The following NT5DC3 variants were observed in gnomAD, a reference collection of about 807,000 sequenced individuals.
The protein encoded by NT5DC3 is 5'-nucleotidase domain containing 3, also known as 5'-nucleotidase domain-containing protein 3.
A neutral mutation model predicts 67.8 loss-of-function variants in NT5DC3; 42 were observed. The observed-to-expected ratio is 0.62, with a 90% confidence interval of 0.48 to 0.80. The LOEUF (loss-of-function observed/expected upper bound fraction) is 0.80. Ranked by LOEUF, NT5DC3 falls within the 30% of genes least tolerant of loss-of-function variation. The pLI, the probability that NT5DC3 is intolerant of heterozygous loss-of-function variation, is 0.00. For synonymous variants in NT5DC3, 237 were observed against 255.6 expected, an observed-to-expected ratio of 0.93 and a Z score of 0.69; for missense variants, 570 against 696.4, an observed-to-expected ratio of 0.82 and a Z score of 2.04.
Position 103,775,346 on chromosome 12 carries a change from C to T in NT5DC3, c.*2483G>A, listed in dbSNP as rs939623588. The T allele has an allele frequency of 2.6e-5, 4 of 152,196 alleles. No homozygotes were observed. Among genetic ancestry groups the T allele is most frequent in the South Asian group, 2.1e-4 (1 of 4,830 alleles). The allele number at this position is 152,196 out of a possible 1,614,324, so 9.4% of individuals were successfully genotyped here. A position where few individuals can be genotyped will look rare whatever the true frequency, so the allele number is the denominator to read the frequency against. The stretch of plus-strand genomic sequence containing the variant: ...CTCCTTCAAAGCTTAGGTCACCTAA[C>T]GTGAACACTCATGGAAACAGGTTTT... On this transcript the variant is annotated 3_prime_UTR_variant, in exon 14 of 14. Transcript: ENST00000392876.
the NT5DC3 span, among the ~76,000 whole-genome samples, chr12:103,753,873 G>A: frequency 6.6e-6 from 1 of 152,174 alleles, no homozygotes; most frequent in Non-Finnish European, 1.5e-5. Flanking sequence ...TGGAATAGCT[G>A]GGGCTCTCTC....
At chr12:103,770,651 G>T (rs1167506200), downstream of NT5DC3, 1 of 152,200 alleles carries the variant, frequency 6.6e-6, no homozygotes, top group Non-Finnish European at 1.5e-5. Context: ...ACCCAGGCTG[G>T]TCTCAAATTC....
chr12:103,840,639 C>A (rs1888375920), intron 1 of NT5DC3, among the ~76,000 whole-genome samples: 1 of 152,090 alleles, frequency 6.6e-6, no homozygotes, highest in African/African-American at 2.4e-5. Context: ...CCTGAGGAAC[C>A]CCAGCCCCGC....
At chr12:103,820,627 G>A (rs1288833840) in intron 1 of NT5DC3, among the ~76,000 whole-genome samples, 1 of 152,184 alleles carries the variant, frequency 6.6e-6, no homozygotes, top group Non-Finnish European at 1.5e-5. Flanking sequence ...TCACAGAGCA[G>A]TGTGTGGAGA....
intron 6 of NT5DC3, 137 bp downstream of exon 6, chr12:103,796,757 G>A: frequency 1.2e-6 from 1 of 830,580 alleles, no homozygotes; most frequent in Non-Finnish European, 1.9e-6. Flanking sequence ...AATGTTCAAG[G>A]TTAAACCACA....
chr12:103,767,926 C>CAA (rs111230279), downstream of NT5DC3, among the ~76,000 whole-genome samples: 4 of 145,322 alleles, frequency 2.8e-5, no homozygotes, highest in African/African-American at 1.0e-4. Context: ...ACTAAAAATA[C>CAA]AAAAAAAAAA....
intron 1 of NT5DC3, among the ~76,000 whole-genome samples, chr12:103,818,128 C>T (rs147729608): frequency 2.0e-5 from 3 of 152,286 alleles, no homozygotes; most frequent in African/African-American, 7.2e-5. Context: ...GGATTCATCC[C>T]CTAAAGCCTA....
chr12:103,831,691 C>T (rs1342803155), intron 1 of NT5DC3, among the ~76,000 whole-genome samples: 1 of 151,928 alleles, frequency 6.6e-6, no homozygotes, highest in Non-Finnish European at 1.5e-5. Flanking sequence ...TCCCAGCAGG[C>T]ACGACCAATA....
chr12:103,760,348 C>CCTCCT, the NT5DC3 span, among the ~76,000 whole-genome samples: 855 of 152,298 alleles, frequency 5.6e-3, 3 homozygotes, highest in African/African-American at 0.02. Flanking sequence ...GCAACCTCCC[C>CCTCCT]CTCCTGGATT....
chr12:103,752,486 G>A, the NT5DC3 span, among the ~76,000 whole-genome samples: 3 of 152,188 alleles, frequency 2.0e-5, no homozygotes, highest in Non-Finnish European at 4.4e-5. Flanking sequence ...TTGAACTATT[G>A]CTGGTGTCTG....
chr12:103,764,766 T>A, the NT5DC3 span, among the ~76,000 whole-genome samples: 1 of 152,158 alleles, frequency 6.6e-6, no homozygotes, highest in Non-Finnish European at 1.5e-5. Context: ...CATATTTTTT[T>A]AATCAAACCC....
chr12:103,836,142 C>T (rs895791714), intron 1 of NT5DC3, among the ~76,000 whole-genome samples: 3 of 152,184 alleles, frequency 2.0e-5, no homozygotes, highest in African/African-American at 7.2e-5. Context: ...AAGATGAGAT[C>T]TGGGTGGGGA....
the NT5DC3 span, among the ~76,000 whole-genome samples, chr12:103,747,333 G>A: frequency 1.3e-5 from 2 of 152,182 alleles, no homozygotes; most frequent in Non-Finnish European, 2.9e-5. Context: ...TAAGGCAGAT[G>A]TTTCCTATTG....
At chr12:103,794,191 C>T (rs924916490) in intron 6 of NT5DC3, among the ~76,000 whole-genome samples, 194 bp from the exon 7 acceptor site, 8 of 69,850 alleles carry the variant, frequency 1.1e-4, no homozygotes, top group African/African-American at 3.6e-4. Flanking sequence ...GTTATATCAC[C>T]CAGGCTGAAG....
chr12:103,832,775 C>T (rs183911454), intron 1 of NT5DC3, among the ~76,000 whole-genome samples: 64 of 152,284 alleles, frequency 4.2e-4, no homozygotes, highest in African/African-American at 1.4e-3. Flanking sequence ...GATCATTGAG[C>T]ATAACAGCTC....
chr12:103,783,311 G>A (rs895271793), intron 12 of NT5DC3, among the ~76,000 whole-genome samples: 2 of 152,144 alleles, frequency 1.3e-5, no homozygotes, highest in African/African-American at 4.8e-5. Context: ...CAGAACCCAA[G>A]GCAATCAATA....
chr12:103,753,408 C>T, the NT5DC3 span: 1 of 1,610,982 alleles, frequency 6.2e-7, no homozygotes, highest in Non-Finnish European at 8.5e-7. Context: ...GGCGGAAGTG[C>T]AGCCCTTTCT....
intron 2 of NT5DC3, among the ~76,000 whole-genome samples, chr12:103,808,653 C>A (rs1418619831): frequency 6.6e-6 from 1 of 152,174 alleles, no homozygotes; most frequent in Non-Finnish European, 1.5e-5. Flanking sequence ...CATTCATGGG[C>A]GTTTCCAAGA....
chr12:103,779,150 TA>T (rs34122284), intron 13 of NT5DC3, among the ~76,000 whole-genome samples: 1 of 152,202 alleles, frequency 6.6e-6, no homozygotes, highest in Non-Finnish European at 1.5e-5. Flanking sequence ...TTATGTGATG[TA>T]AATCTCCCCC....
Sources: allele counts gnomAD v4.1 joint callset (sites outside exome capture counted in the v4.1 genomes callset), GRCh38; gene constraint gnomAD v4.1.1; transcripts MANE v1.5; gene names NCBI Gene and HGNC (gene_info 2026-07-23, HGNC 2026-07-21).